The following MAPRE2 variants were observed in gnomAD, a reference collection of about 807,000 sequenced individuals.
MAPRE2 encodes the protein microtubule associated protein RP/EB family member 2.
Under a neutral mutation model 43.2 loss-of-function variants are expected in MAPRE2, and 13 were observed. That is an observed-to-expected ratio of 0.30 (90% CI 0.20 to 0.48). The LOEUF (loss-of-function observed/expected upper bound fraction) is 0.48. MAPRE2 is among the 20% of genes least tolerant of loss of function. The pLI, the probability that MAPRE2 is intolerant of heterozygous loss-of-function variation, is 0.99. For synonymous variants in MAPRE2, 135 were observed against 148.8 expected (o/e 0.91, Z 0.68); for missense variants, 161 against 400.2 (o/e 0.40, Z 5.10).
chr18:35,134,016 G>A (rs576511748), intron 6 of MAPRE2, among the ~76,000 whole-genome samples: 29 of 152,164 alleles, frequency 1.9e-4, no homozygotes, highest in Non-Finnish European at 3.5e-4. Context: ...ACACTTTAAG[G>A]CCTCATCATT....
At chr18:35,045,956 G>A (rs1180815389) in intron 1 of MAPRE2, among the ~76,000 whole-genome samples, 3 of 152,136 alleles carry the variant, frequency 2.0e-5, no homozygotes, top group African/African-American at 7.2e-5. Context: ...ATGGTCTTCC[G>A]GGTGCTCTTG....
At chr18:34,980,943 T>G (rs1018435797) in intron 1 of MAPRE2, among the ~76,000 whole-genome samples, 1 of 152,130 alleles carries the variant, frequency 6.6e-6, no homozygotes, top group Non-Finnish European at 1.5e-5. Context: ...AGAAGTTGGA[T>G]GTATTTTGTG....
chr18:35,107,866 C>T (rs1222813115), intron 4 of MAPRE2, among the ~76,000 whole-genome samples: 1 of 151,962 alleles, frequency 6.6e-6, no homozygotes, highest in Non-Finnish European at 1.5e-5. Flanking sequence ...AATTTTCCTG[C>T]ATTGATCATG....
chr18:35,095,394 A>G (rs201252047), intron 2 of MAPRE2, among the ~76,000 whole-genome samples: 2,242 of 145,474 alleles, frequency 0.015, 51 homozygotes, highest in African/African-American at 0.043. Flanking sequence ...ACACACACAC[A>G]CACACACGCA....
chr18:35,088,434 T>G (rs1055759780), intron 2 of MAPRE2, among the ~76,000 whole-genome samples: 1 of 152,182 alleles, frequency 6.6e-6, no homozygotes, highest in South Asian at 2.1e-4. Flanking sequence ...GACAGAGGCC[T>G]GATAACAGGG....
intron 2 of MAPRE2, among the ~76,000 whole-genome samples, chr18:35,021,385 A>G (rs1435376755): frequency 6.6e-6 from 1 of 152,312 alleles, no homozygotes; most frequent in East Asian, 1.9e-4. Flanking sequence ...ATGAATGGGG[A>G]CCAGAAATGG....
In MAPRE2 at chr18:34,979,039, A is replaced by AGT. The variant is rs2097014704; in HGVS notation, c.-70+1961_-70+1962insTG. On this transcript the variant is annotated intron_variant, in intron 1 of 7. Transcript: ENST00000413393. ...GCGGCCAGCAGCAGCAGGCATTGCA[A>AGT]GACAAGATGCCACTTTAACTACTTG... Among the ~76,000 whole-genome samples the AGT allele has an allele frequency of 2.0e-5, 3 of 152,206 alleles. 1 individual carries two copies. Among genetic ancestry groups the AGT allele is most frequent in the Admixed American group, 2.0e-4 (3 of 15,282 alleles).
At chr18:35,057,494 C>G (rs979731490) in intron 1 of MAPRE2, among the ~76,000 whole-genome samples, 1 of 105,640 alleles carries the variant, frequency 9.5e-6, no homozygotes, top group Admixed American at 1.1e-4. Context: ...AGAGATACTG[C>G]AAGGAGTGTG....
At chr18:35,078,192 G>A (rs1330604882) in intron 2 of MAPRE2, among the ~76,000 whole-genome samples, 1 of 152,158 alleles carries the variant, frequency 6.6e-6, no homozygotes, top group Non-Finnish European at 1.5e-5. Context: ...ATGAACTGGA[G>A]GATCTTAGAA....
chr18:35,097,422 A>T (rs887847185), intron 2 of MAPRE2, 24 bp from the exon 3 acceptor site: 32 of 1,610,686 alleles, frequency 2.0e-5, no homozygotes, highest in Non-Finnish European at 2.7e-5. Context: ...GACTCACTCC[A>T]GTACTGTTCT....
chr18:35,137,359 T>G (rs1265145183), intron 6 of MAPRE2, among the ~76,000 whole-genome samples: 2 of 152,196 alleles, frequency 1.3e-5, no homozygotes, highest in African/African-American at 2.4e-5. Flanking sequence ...CCTGCTGCCT[T>G]GTTGGATGTG....
At chr18:35,015,621 T>C (rs1359892623) in intron 2 of MAPRE2, among the ~76,000 whole-genome samples, 1 of 146,046 alleles carries the variant, frequency 6.8e-6, no homozygotes, top group Non-Finnish European at 1.5e-5. Context: ...GGTGGGTGTG[T>C]ATAGGGATGG....
intron 4 of MAPRE2, among the ~76,000 whole-genome samples, chr18:35,110,395 G>T (rs1311207577): frequency 6.6e-6 from 1 of 152,058 alleles, no homozygotes; most frequent in Non-Finnish European, 1.5e-5. Flanking sequence ...AAAGTCAGTG[G>T]AGTTTTTTTA....
intron 2 of MAPRE2, among the ~76,000 whole-genome samples, chr18:35,026,456 C>T (rs371644321): frequency 6.6e-6 from 1 of 152,110 alleles, no homozygotes; most frequent in South Asian, 2.1e-4. Context: ...GACACCACAC[C>T]ACAGTCTCAC....
At chr18:35,118,224 C>T (rs957518128) in intron 4 of MAPRE2, among the ~76,000 whole-genome samples, 2 of 152,122 alleles carry the variant, frequency 1.3e-5, no homozygotes, top group Non-Finnish European at 2.9e-5. Context: ...CCTCGGCAGG[C>T]CCCTGACCTG....
At chr18:35,099,455 A>T (rs977344764) in intron 3 of MAPRE2, among the ~76,000 whole-genome samples, 11 of 151,752 alleles carry the variant, frequency 7.2e-5, no homozygotes, top group African/African-American at 2.2e-4. Context: ...TCTCTACAAA[A>T]TTTTTTTTTA....
intron 1 of MAPRE2, among the ~76,000 whole-genome samples, chr18:34,980,807 T>C (rs1170783923): frequency 6.6e-6 from 1 of 152,204 alleles, no homozygotes; most frequent in East Asian, 1.9e-4. Flanking sequence ...AAAAACCACA[T>C]ATGAATTTAT....
chr18:34,999,023 G>A (rs2097028024), intron 1 of MAPRE2, among the ~76,000 whole-genome samples: 1 of 151,976 alleles, frequency 6.6e-6, no homozygotes, highest in Non-Finnish European at 1.5e-5. Context: ...TATAAAAACA[G>A]CAAGCATGGA....
intron 4 of MAPRE2, among the ~76,000 whole-genome samples, chr18:35,106,685 T>C (rs2144191300): frequency 6.6e-6 from 1 of 152,306 alleles, no homozygotes; most frequent in South Asian, 2.1e-4. Context: ...TAGAATAGTT[T>C]GGCTGTGGCT....
Sources: allele counts gnomAD v4.1 joint callset (sites outside exome capture counted in the v4.1 genomes callset), GRCh38; gene constraint gnomAD v4.1.1; transcripts MANE v1.5; gene names NCBI Gene and HGNC (gene_info 2026-07-23, HGNC 2026-07-21).